ARHGAP11B: variants seen among roughly 807,000 people sequenced by gnomAD.
ARHGAP11B encodes the protein Rho GTPase activating protein 11B, also known as inactive Rho GTPase-activating protein 11B.
Under a neutral mutation model 27.6 loss-of-function variants are expected in ARHGAP11B, and 14 were observed. The ratio of observed to expected loss-of-function variants is 0.51; its 90% CI spans 0.34 to 0.79. ARHGAP11B has a LOEUF of 0.79. Among genes scored for constraint, ARHGAP11B ranks in the 30% least tolerant of loss-of-function variants. The pLI is 0.02. For synonymous variants in ARHGAP11B, 82 were observed against 114.1 expected (o/e 0.72, Z 1.80); for missense variants, 245 against 320.1 (o/e 0.77, Z 1.79).
Position 30,629,167 on chromosome 15 carries a change from A to G in ARHGAP11B, c.130-1536A>G, listed in dbSNP as rs189678810. 3.5e-3 allele frequency among the ~76,000 whole-genome samples: 528 copies of G among 152,188 alleles called. 7 individuals carry two copies. Among genetic ancestry groups the G allele is most frequent in the African/African-American group, 0.012 (498 of 41,546 alleles). ...AATTCTTCCTACACCTCTATGACTTAGGATCTGTGTGAGGATACCGAGGAA... is the reference window on the plus strand; with the variant it reads ...AATTCTTCCTACACCTCTATGACTTGGGATCTGTGTGAGGATACCGAGGAA... On this transcript the variant is annotated intron_variant, in intron 1 of 10. Transcript: ENST00000428041.
chr15:30,627,682 T>G (rs1402458204), intron 1 of ARHGAP11B, among the ~76,000 whole-genome samples: 2 of 152,044 alleles, frequency 1.3e-5, no homozygotes, highest in Non-Finnish European at 1.5e-5. Flanking sequence ...CTCTGCCACA[T>G]AATCAGGAAT....
chr15:30,626,285 C>T (rs1387956968), exon 1 of ARHGAP11B: 1 of 152,652 alleles, frequency 6.6e-6, no homozygotes, highest in Non-Finnish European at 1.5e-5. Flanking sequence ...CGGCTACCAG[C>T]CCGGGCGGGC....
At chr15:30,628,429 AGACCT>A (rs1005519771) in intron 1 of ARHGAP11B, among the ~76,000 whole-genome samples, 1 of 152,070 alleles carries the variant, frequency 6.6e-6, no homozygotes, top group African/African-American at 2.4e-5. Context: ...AGAGTCGGAT[AGACCT>A]GAGTTTGAGT....
intron 7 of ARHGAP11B, among the ~76,000 whole-genome samples, chr15:30,641,865 C>T (rs1177924939): frequency 2.6e-5 from 4 of 151,644 alleles, no homozygotes; most frequent in African/African-American, 9.7e-5. Context: ...TACAGGCATG[C>T]ACCACCACAC....
At chr15:30,642,341 A>G (rs995886210) in intron 7 of ARHGAP11B, among the ~76,000 whole-genome samples, 7 of 151,988 alleles carry the variant, frequency 4.6e-5, no homozygotes, top group African/African-American at 9.7e-5. Flanking sequence ...AGTTGATTTC[A>G]TAATATAAAT....
At chr15:30,646,008 T>C (rs1566784529) in intron 8 of ARHGAP11B, 1 of 193,322 alleles carries the variant, frequency 5.2e-6, no homozygotes, top group Admixed American at 6.4e-5. Flanking sequence ...AGTGTAATGT[T>C]TTCTTTATCC....
At chr15:30,633,567 T>A in exon 3 of ARHGAP11B, 1 of 1,613,208 alleles carries the variant, frequency 6.2e-7, no homozygotes. Context: ...GGATCTGTGA[T>A]TCGCCTAAAA....
At chr15:30,644,779 A>T in intron 8 of ARHGAP11B, 2 of 1,196,568 alleles carry the variant, frequency 1.7e-6, no homozygotes, top group Non-Finnish European at 2.5e-6. Flanking sequence ...TCACAAATGG[A>T]ATATTTGTAT....
chr15:30,648,620 G>A (rs1296199305), exon 11 of ARHGAP11B, among the ~76,000 whole-genome samples: 4 of 152,010 alleles, frequency 2.6e-5, no homozygotes. Flanking sequence ...GTGATACCTT[G>A]TATAGTGCCT....
At chr15:30,646,633 A>C (rs2140910905) in intron 9 of ARHGAP11B, among the ~76,000 whole-genome samples, 2 of 151,488 alleles carry the variant, frequency 1.3e-5, no homozygotes, top group Middle Eastern at 6.8e-3. Context: ...ACTGCACTCC[A>C]GCCTGGGCGA....
intron 7 of ARHGAP11B, among the ~76,000 whole-genome samples, chr15:30,640,792 T>G (rs865785032): frequency 1.3e-5 from 2 of 152,046 alleles, no homozygotes; most frequent in Admixed American, 6.6e-5. Flanking sequence ...TCCTCACAGG[T>G]TCTCTAGGGC....
At chr15:30,635,527 G>A (rs773026649) in exon 6 of ARHGAP11B, 2 of 1,613,474 alleles carry the variant, frequency 1.2e-6, no homozygotes, top group Non-Finnish European at 1.7e-6. Flanking sequence ...TACCAGCCAT[G>A]TTGGGTATTG....
At chr15:30,628,856 A>T (rs2060225670) in intron 1 of ARHGAP11B, among the ~76,000 whole-genome samples, 1 of 152,068 alleles carries the variant, frequency 6.6e-6, no homozygotes, top group African/African-American at 2.4e-5. Context: ...GTTACTTGTG[A>T]AGCCAGTTAT....
chr15:30,631,742 C>T (rs911023337), intron 2 of ARHGAP11B, among the ~76,000 whole-genome samples: 16 of 152,000 alleles, frequency 1.1e-4, no homozygotes, highest in African/African-American at 3.4e-4. Context: ...TTATGTATCA[C>T]TTAGCTTTTC....
intron 8 of ARHGAP11B, among the ~76,000 whole-genome samples, chr15:30,645,527 C>T (rs924242500): frequency 2.0e-5 from 3 of 151,948 alleles, no homozygotes. Flanking sequence ...TTTATTTTTT[C>T]TTCTTTGGTT....
At chr15:30,629,281 C>T (rs1161971849) in intron 1 of ARHGAP11B, among the ~76,000 whole-genome samples, 2 of 152,024 alleles carry the variant, frequency 1.3e-5, no homozygotes, top group Non-Finnish European at 2.9e-5. Context: ...CGATGGCTCA[C>T]GCCTGTAATC....
At chr15:30,637,775 C>G (rs532646334) in intron 6 of ARHGAP11B, among the ~76,000 whole-genome samples, 2 of 150,944 alleles carry the variant, frequency 1.3e-5, no homozygotes, top group South Asian at 4.2e-4. Flanking sequence ...GTCTTTATGC[C>G]TCCTCCTTGA....
chr15:30,639,401 C>CT (rs563641934), intron 7 of ARHGAP11B, among the ~76,000 whole-genome samples: 174 of 151,578 alleles, frequency 1.1e-3, no homozygotes, highest in African/African-American at 4.1e-3. Context: ...ACTGCTGTCT[C>CT]TTAAGAGTCT....
In ARHGAP11B at chr15:30,646,548, A is replaced by G. The variant is rs570120660; in HGVS notation, c.*324+253A>G. Among the ~76,000 whole-genome samples the G allele has an allele frequency of 9.9e-5, 15 of 151,976 alleles. 1 individual carries two copies. Among genetic ancestry groups the G allele is most frequent in the Non-Finnish European group, 1.8e-4 (12 of 67,974 alleles). ...TTATGTTAACTTGTAAGATTTTAAA[A>G]AAATATATAGGCTGAGGCAGGAAAA... On this transcript the variant is annotated intron_variant, in intron 9 of 10. Coordinates refer to ENST00000428041, the Ensembl canonical transcript of ARHGAP11B.
Sources: gnomAD v4.1 joint callset for allele counts (sites outside exome capture counted in the v4.1 genomes callset) on GRCh38, gnomAD v4.1.1 for gene constraint, MANE v1.5 for transcripts, NCBI Gene and HGNC (gene_info 2026-07-23, HGNC 2026-07-21) for gene names.